ULK4: variants seen among roughly 807,000 people sequenced by gnomAD.
The protein encoded by ULK4 is inactive serine/threonine-protein kinase ULK4.
In ULK4, 133 loss-of-function variants were observed where a neutral mutation model predicts 160.6. That is an observed-to-expected ratio of 0.83 (90% CI 0.72 to 0.96). ULK4 has a LOEUF of 0.96. Among genes scored for constraint, ULK4 ranks in the 40% least tolerant of loss-of-function variants. The probability of loss-of-function intolerance (pLI) is 0.00; values close to 1 mark genes in which losing one functional copy is unlikely to be tolerated. For synonymous variants in ULK4, 534 were observed against 539.8 expected, an observed-to-expected ratio of 0.99 and a Z score of 0.15; for missense variants, 1,580 against 1,499.5, an observed-to-expected ratio of 1.05 and a Z score of -0.89.
intron 35 of ULK4, among the ~76,000 whole-genome samples, chr3:41,333,630 A>G (rs2080492984): frequency 6.6e-6 from 1 of 152,114 alleles, no homozygotes; most frequent in Admixed American, 6.5e-5. Flanking sequence ...TCTTAGTCTA[A>G]AACATTTCTT....
At chr3:41,438,689 T>C (rs1349190420) in intron 34 of ULK4, among the ~76,000 whole-genome samples, 4 of 151,540 alleles carry the variant, frequency 2.6e-5, no homozygotes, top group African/African-American at 4.9e-5. Context: ...TGGCCAGGCA[T>C]TGTGGTGCAT....
intron 21 of ULK4, among the ~76,000 whole-genome samples, chr3:41,776,332 TAAGAA>T (rs2039619587): frequency 6.6e-6 from 1 of 150,838 alleles, no homozygotes; most frequent in Non-Finnish European, 1.5e-5. Flanking sequence ...TACTAATCAT[TAAGAA>T]AAGTTTCCCT....
intron 4 of ULK4, among the ~76,000 whole-genome samples, chr3:41,933,088 T>G (rs527522369): frequency 1.3e-5 from 2 of 152,168 alleles, no homozygotes; most frequent in Non-Finnish European, 2.9e-5. Context: ...ACTCTTAACT[T>G]CTAGTCACAA....
chr3:41,781,832 G>A (rs1325502283), intron 21 of ULK4, among the ~76,000 whole-genome samples: 6 of 151,648 alleles, frequency 4.0e-5, no homozygotes, highest in African/African-American at 9.7e-5. Flanking sequence ...CCAGCTACTC[G>A]GGAGGCTGAG....
intron 35 of ULK4, among the ~76,000 whole-genome samples, chr3:41,295,175 A>G (rs2079644800): frequency 7.1e-6 from 1 of 140,810 alleles, no homozygotes; most frequent in Non-Finnish European, 1.6e-5. Context: ...TTTGATGAAG[A>G]GCAAAGGCAA....
At chr3:41,423,104 G>A (rs927112424) in intron 34 of ULK4, among the ~76,000 whole-genome samples, 3 of 152,118 alleles carry the variant, frequency 2.0e-5, no homozygotes, top group African/African-American at 2.4e-5. Flanking sequence ...TTTGTGTATG[G>A]TCCTATTTTT....
intron 17 of ULK4, among the ~76,000 whole-genome samples, chr3:41,879,422 G>A (rs1443241751): frequency 6.6e-6 from 1 of 152,094 alleles, no homozygotes; most frequent in Non-Finnish European, 1.5e-5. Context: ...AGCCAGTGTT[G>A]ATTGCTGGAA....
chr3:41,668,590 G>T (rs2035427893), intron 29 of ULK4, among the ~76,000 whole-genome samples: 1 of 152,122 alleles, frequency 6.6e-6, no homozygotes, highest in Admixed American at 6.6e-5. Flanking sequence ...TATGATGTTT[G>T]CACAATGATA....
At chr3:41,466,488 T>TAC (rs1481895699) in intron 32 of ULK4, among the ~76,000 whole-genome samples, 1 of 152,124 alleles carries the variant, frequency 6.6e-6, no homozygotes, top group African/African-American at 2.4e-5. Flanking sequence ...CCTTGACCAT[T>TAC]ACCTCACACA....
At chr3:41,775,602 T>G (rs2039582422) in intron 21 of ULK4, among the ~76,000 whole-genome samples, 1 of 150,502 alleles carries the variant, frequency 6.6e-6, no homozygotes, top group Non-Finnish European at 1.5e-5. Flanking sequence ...TTTCACTATG[T>G]TGGCCAGGCT....
chr3:41,361,215 G>A (rs2081135529), intron 35 of ULK4, among the ~76,000 whole-genome samples: 1 of 152,062 alleles, frequency 6.6e-6, no homozygotes, highest in Non-Finnish European at 1.5e-5. Flanking sequence ...AATCTGAGGT[G>A]TTCTCTCCTT....
chr3:41,610,549 G>T (rs1038591979), intron 31 of ULK4, among the ~76,000 whole-genome samples: 5 of 152,142 alleles, frequency 3.3e-5, no homozygotes, highest in Non-Finnish European at 7.3e-5. Flanking sequence ...TAATGTGACT[G>T]TCTGTCTATA....
chr3:41,495,046 C>T (rs1333244424), intron 32 of ULK4, among the ~76,000 whole-genome samples: 1 of 152,028 alleles, frequency 6.6e-6, no homozygotes, highest in Non-Finnish European at 1.5e-5. Context: ...CATCAAGCTA[C>T]CAACGACTTT....
intron 21 of ULK4, among the ~76,000 whole-genome samples, chr3:41,772,548 T>C (rs1363702630): frequency 6.6e-6 from 1 of 152,092 alleles, no homozygotes; most frequent in African/African-American, 2.4e-5. Context: ...AATAGACCAA[T>C]AACAGGATCT....
chr3:41,522,033 C>T (rs2085946354), intron 32 of ULK4, among the ~76,000 whole-genome samples: 1 of 152,040 alleles, frequency 6.6e-6, no homozygotes, highest in Admixed American at 6.6e-5. Context: ...TTCTCTGATA[C>T]TATCATAAAT....
At chr3:41,633,793 T>G (rs72862148) in intron 30 of ULK4, among the ~76,000 whole-genome samples, 9,329 of 151,916 alleles carry the variant, frequency 0.061, 973 homozygotes, top group African/African-American at 0.21. Flanking sequence ...AGAGAAGAGA[T>G]CTAAAATGAC....
At chr3:41,802,186 G>C in intron 19 of ULK4, among the ~76,000 whole-genome samples, 1 of 152,068 alleles carries the variant, frequency 6.6e-6, no homozygotes, top group Non-Finnish European at 1.5e-5. Context: ...AAATGATAAT[G>C]AGAAGAAAAT....
At chr3:41,832,582 G>A (rs2041627481) in intron 18 of ULK4, among the ~76,000 whole-genome samples, 1 of 152,156 alleles carries the variant, frequency 6.6e-6, no homozygotes, top group African/African-American at 2.4e-5. Context: ...TGATGCCATT[G>A]CTTTTGGTGT....
At chr3:41,788,209 T>C (rs2040050840) in intron 21 of ULK4, among the ~76,000 whole-genome samples, 1 of 152,234 alleles carries the variant, frequency 6.6e-6, no homozygotes, top group African/African-American at 2.4e-5. Context: ...TTAAGTTTAC[T>C]ATGCAAATCT....
Sources: allele counts gnomAD v4.1 joint callset (sites outside exome capture counted in the v4.1 genomes callset), GRCh38; gene constraint gnomAD v4.1.1; transcripts MANE v1.5; gene names NCBI Gene and HGNC (gene_info 2026-07-23, HGNC 2026-07-21).